The following POLH variants were observed in gnomAD, a reference collection of about 807,000 sequenced individuals.
POLH encodes the protein DNA polymerase eta transcript.
Under a neutral mutation model 73.6 loss-of-function variants are expected in POLH, and 53 were observed. That is an observed-to-expected ratio of 0.72 (90% CI 0.58 to 0.91). The LOEUF is 0.91. Ranked by LOEUF, POLH falls within the 40% of genes least tolerant of loss-of-function variation. The probability of loss-of-function intolerance (pLI) is 0.00; values close to 1 mark genes in which losing one functional copy is unlikely to be tolerated. For missense variants in POLH, 768 were observed against 865.4 expected (o/e 0.89, Z 1.41); for synonymous variants, 292 against 308.5 (o/e 0.95, Z 0.56).
In POLH at chr6:43,614,424, A is replaced by AC; in HGVS notation, c.2014dup (p.Gln672ProfsTer22). 6.2e-7 allele frequency: 1 copy of AC among 1,613,844 alleles called. No individual in the cohort carries two copies. The highest frequency in any genetic ancestry group is 8.5e-7 in the Non-Finnish European group (1 of 1,179,962). ...TCCTTTTTGCAGCCCCACTCTTCAAACCCCCAGGTTGTTTCTGCCGTATCT... is the reference window on the plus strand; with the variant it reads ...TCCTTTTTGCAGCCCCACTCTTCAAACCCCCCAGGTTGTTTCTGCCGTATCT... On this transcript the variant is annotated frameshift_variant, in exon 11 of 11. Coordinates refer to ENST00000372236, the MANE Select transcript of POLH (RefSeq NM_006502.3). LOFTEE classifies it high-confidence loss of function.
Position 43,603,818 on chromosome 6 carries a change from A to G in POLH, c.765-74A>G, listed in dbSNP as rs2307455. On this transcript the variant is annotated intron_variant, in intron 6 of 10. Transcript: ENST00000372236. ...CCTTTTGGAGAGCTGTTTACAAAGT[A>G]GAATGTCTTACGTTTGCTGCTAATT... 6.9e-3 allele frequency: 10,227 copies of G among 1,479,276 alleles called. 479 individuals are homozygous for G. The African/African-American group carries it at 0.11, about 16-fold the overall frequency. 91.6% of individuals were successfully genotyped at this position (1,479,276 alleles called of 1,614,324 possible).
At chr6:43,577,606 A>G (rs1763517122) in intron 1 of POLH, among the ~76,000 whole-genome samples, 1 of 152,096 alleles carries the variant, frequency 6.6e-6, no homozygotes. Flanking sequence ...TTGCAGTTGT[A>G]AGACGTTTTT....
chr6:43,590,353 A>G (rs111903333), intron 4 of POLH, among the ~76,000 whole-genome samples: 17,500 of 150,180 alleles, frequency 0.12, 1,404 homozygotes, highest in Non-Finnish European at 0.18. Flanking sequence ...GCAAGACTCC[A>G]TCTTAAAAAA....
In POLH at chr6:43,618,229, C is replaced by T. The variant is rs1768474009; in HGVS notation, c.*3672C>T. Among the ~76,000 whole-genome samples, 1 of 151,958 alleles carries T rather than the reference C, an allele frequency of 6.6e-6. No individual in the cohort carries two copies. Among genetic ancestry groups the T allele is most frequent in the South Asian group, 2.1e-4 (1 of 4,818 alleles). ...GGAGTGCAGTGGTGCAATCTTGGCT[C>T]ACTGCAACCTCCGTCTCTCGGGTTC... On this transcript the variant is annotated 3_prime_UTR_variant, in exon 11 of 11. Coordinates refer to ENST00000372236, the MANE Select transcript of POLH (RefSeq NM_006502.3).
chr6:43,585,180 T>C (rs1051737291), intron 3 of POLH, among the ~76,000 whole-genome samples: 3 of 151,854 alleles, frequency 2.0e-5, no homozygotes, highest in South Asian at 4.2e-4. Context: ...TGAAGAGATA[T>C]ATAGAGCAAG....
Position 43,618,827 on chromosome 6 carries a change from C to T in POLH, c.*4270C>T, listed in dbSNP as rs1211323329. Among the ~76,000 whole-genome samples the T allele has an allele frequency of 6.6e-6, 1 of 151,804 alleles. No individual in the cohort carries two copies. The highest frequency in any genetic ancestry group is 6.6e-5 in the Admixed American group (1 of 15,236). On this transcript the variant is annotated 3_prime_UTR_variant, in exon 11 of 11. Coordinates refer to ENST00000372236, the MANE Select transcript of POLH (RefSeq NM_006502.3). ...TGTATTTTTAGTAGAGATGGGGTTT[C>T]GCCACGTTGGCCAGGCTGGTCTTGA... is the stretch of plus-strand genomic sequence containing the variant.
intron 5 of POLH, among the ~76,000 whole-genome samples, 187 bp from the exon 6 acceptor site, chr6:43,600,801 C>G (rs1766655368): frequency 6.6e-6 from 1 of 152,134 alleles, no homozygotes; most frequent in African/African-American, 2.4e-5. Flanking sequence ...ATGTTTCCCA[C>G]TGGGGATGTT....
chr6:43,596,116 T>G (rs1470440469), intron 4 of POLH, among the ~76,000 whole-genome samples: 36 of 152,138 alleles, frequency 2.4e-4, no homozygotes, highest in Admixed American at 2.4e-3. Flanking sequence ...AGGAGAGGAC[T>G]TCATAATAGA....
chr6:43,618,832 C>T lies in POLH; in HGVS notation c.*4275C>T, dbSNP rs1038243666. 6.6e-5 allele frequency among the ~76,000 whole-genome samples: 10 copies of T among 151,150 alleles called. No homozygotes were observed. The highest frequency in any genetic ancestry group is 2.1e-4 in the South Asian group (1 of 4,722). ...TTTTAGTAGAGATGGGGTTTCGCCA[C>T]GTTGGCCAGGCTGGTCTTGAACTCT... is the stretch of plus-strand genomic sequence containing the variant. On this transcript the variant is annotated 3_prime_UTR_variant, in exon 11 of 11. Transcript: ENST00000372236.
intron 1 of POLH, chr6:43,578,424 T>C: frequency 2.2e-6 from 1 of 444,994 alleles, no homozygotes; most frequent in South Asian, 1.6e-5. Context: ...CATGCCCAGG[T>C]CATACCCATA....
rs1398062039 is a variant in POLH, at chr6:43,597,644, TTAAA to T, written c.491-44_491-41del. ...AGCATTTCTACATTAGATAGCACAATTAAATAAATAATTTTTTAAATGTCTAAAT... is the reference window on the plus strand; with the variant it reads ...AGCATTTCTACATTAGATAGCACAATTAAATAATTTTTTAAATGTCTAAAT... On this transcript the variant is annotated intron_variant, in intron 4 of 10. Transcript: ENST00000372236. The T allele has an allele frequency of 6.5e-5, 98 of 1,504,820 alleles. 1 individual carries two copies. The Admixed American group carries it at 1.1e-3, about 18-fold the overall frequency. The allele number at this position is 1,504,820 out of a possible 1,614,324, so 93.2% of individuals were successfully genotyped here. A position where few individuals can be genotyped will look rare whatever the true frequency, so the allele number is the denominator to read the frequency against.
At chr6:43,605,504 A>G (rs1200838733) in intron 9 of POLH, 185 bp downstream of exon 9, 2 of 522,812 alleles carry the variant, frequency 3.8e-6, no homozygotes, top group African/African-American at 2.2e-5. Context: ...GGCTGAGTAC[A>G]CTGGCACAAT....
intron 1 of POLH, among the ~76,000 whole-genome samples, chr6:43,580,562 GA>G (rs1763964992): frequency 7.2e-6 from 1 of 138,610 alleles, no homozygotes; most frequent in Non-Finnish European, 1.6e-5. Flanking sequence ...CTCCCTCCCG[GA>G]CGGGGCGGCT....
chr6:43,612,847 G>A (rs1419632511), intron 10 of POLH, among the ~76,000 whole-genome samples: 1 of 149,358 alleles, frequency 6.7e-6, no homozygotes, highest in African/African-American at 2.5e-5. Context: ...TGTCACCCAG[G>A]CTGGAGTGCA....
intron 4 of POLH, among the ~76,000 whole-genome samples, chr6:43,592,370 G>GCTCA (rs1765552416): frequency 6.6e-6 from 1 of 150,876 alleles, no homozygotes; most frequent in African/African-American, 2.4e-5. Flanking sequence ...TAGCAATCAT[G>GCTCA]CTCAGCCCTC....
chr6:43,578,777 A>G (rs6458344), intron 1 of POLH, among the ~76,000 whole-genome samples: 5,485 of 152,132 alleles, frequency 0.036, 344 homozygotes, highest in African/African-American at 0.13. Flanking sequence ...GATGTTATAT[A>G]TTATTTTCTC....
rs1294511854 is a variant in POLH, at chr6:43,618,877, C to T, written c.*4320C>T. Among the ~76,000 whole-genome samples, 5 of 151,866 alleles carry T rather than the reference C, an allele frequency of 3.3e-5. No homozygotes were observed. The highest frequency in any genetic ancestry group is 7.3e-5 in the African/African-American group (3 of 41,308). On this transcript the variant is annotated 3_prime_UTR_variant, in exon 11 of 11. Coordinates refer to ENST00000372236, the MANE Select transcript of POLH (RefSeq NM_006502.3). ...AACTCTTGATCTCAAGTGATCCACC[C>T]GCCCTGGCCTCCCAAAGTGCTGGGA...
chr6:43,588,758 C>G (rs926924220), intron 4 of POLH: 2 of 151,212 alleles, frequency 1.3e-5, no homozygotes, highest in African/African-American at 4.9e-5. Flanking sequence ...TGGCCTATAT[C>G]TTTATAAGTT....
Position 43,617,785 on chromosome 6 carries a change from G to A in POLH, c.*3228G>A, listed in dbSNP as rs765650250. Among the ~76,000 whole-genome samples, 2 of 152,140 alleles carry A rather than the reference G, an allele frequency of 1.3e-5. No homozygotes were observed. The highest frequency in any genetic ancestry group is 2.9e-5 in the Non-Finnish European group (2 of 68,044). On this transcript the variant is annotated 3_prime_UTR_variant, in exon 11 of 11. Coordinates refer to ENST00000372236, the MANE Select transcript of POLH (RefSeq NM_006502.3). ...TCTACTGAAAATACAACTGGGCGTG[G>A]TGGTGCACGCCTGTAGTCCCAGCTA... is the stretch of plus-strand genomic sequence containing the variant.
Sources: allele counts gnomAD v4.1 joint callset (sites outside exome capture counted in the v4.1 genomes callset), GRCh38; gene constraint gnomAD v4.1.1; transcripts MANE v1.5; gene names NCBI Gene and HGNC (gene_info 2026-07-23, HGNC 2026-07-21).